PSMA3: variants seen among roughly 807,000 people sequenced by gnomAD.
The protein encoded by PSMA3 is proteasome subunit alpha type-3.
PSMA3 carries 8 observed loss-of-function variants against 40.0 expected under a neutral mutation model. The ratio of observed to expected loss-of-function variants is 0.20; its 90% CI spans 0.12 to 0.36. The LOEUF (loss-of-function observed/expected upper bound fraction) is 0.36. Ranked by LOEUF, PSMA3 falls within the 10% of genes least tolerant of loss-of-function variation. PSMA3 has a pLI of 1.00. For synonymous variants in PSMA3, 110 were observed against 100.0 expected, an observed-to-expected ratio of 1.10 and a Z score of -0.59; for missense variants, 219 against 310.6, an observed-to-expected ratio of 0.70 and a Z score of 2.22.
chr14:58,253,033 G>A (rs529917122), intron 3 of PSMA3, among the ~76,000 whole-genome samples: 3 of 149,416 alleles, frequency 2.0e-5, no homozygotes, highest in South Asian at 2.1e-4. Context: ...CACCCAGGCC[G>A]GAGTGCAGTG....
chr14:58,253,461 A>G (rs113269621), intron 3 of PSMA3, among the ~76,000 whole-genome samples: 1 of 152,248 alleles, frequency 6.6e-6, no homozygotes, highest in African/African-American at 2.4e-5. Flanking sequence ...TTAATGTTAC[A>G]CACAAACACA....
At chr14:58,256,683 AT>A (rs1890152522) in intron 3 of PSMA3, among the ~76,000 whole-genome samples, 2 of 151,784 alleles carry the variant, frequency 1.3e-5, no homozygotes, top group Admixed American at 6.6e-5. Context: ...AAGTGCTGGG[AT>A]TACAGGTGTG....
chr14:58,260,936 A>G lies in PSMA3; in HGVS notation c.405-12A>G. The G allele has an allele frequency of 1.3e-6, 2 of 1,593,772 alleles. No homozygotes were observed. Among genetic ancestry groups the G allele is most frequent in the Non-Finnish European group, 1.7e-6 (2 of 1,165,284 alleles). On this transcript the variant is annotated splice_polypyrimidine_tract_variant and intron_variant, in intron 5 of 10. Transcript: ENST00000216455. The stretch of plus-strand genomic sequence containing the variant: ...TTGCCATGGTTTAAGCTGTTTGTAT[A>G]CTTTCATGCAGTTTCATGTTAGGGT...
At chr14:58,246,778 A>G (rs1889891736) in intron 1 of PSMA3, among the ~76,000 whole-genome samples, 1 of 152,162 alleles carries the variant, frequency 6.6e-6, no homozygotes. Flanking sequence ...CGTCTAAGCT[A>G]CTACCGCTAT....
rs1192996520 is a variant in PSMA3, at chr14:58,266,032, AG to A, written c.544-1441del. The stretch of plus-strand genomic sequence containing the variant: ...TAGTCCATAATCAAACTGCCTAAGC[AG>A]TTTCTACACTGTCTTTTTAACTATT... On this transcript the variant is annotated intron_variant, in intron 7 of 10. Transcript: ENST00000216455. 2.6e-5 allele frequency: 4 copies of A among 152,198 alleles called. No homozygotes were observed. The East Asian group carries it at 7.7e-4, about 29-fold the overall frequency. The allele number at this position is 152,198 out of a possible 1,614,324, so 9.4% of individuals were successfully genotyped here.
chr14:58,271,994 TTG>T lies in PSMA3; in HGVS notation c.*101_*102del, dbSNP rs1331559193. ...ATACTGTCCAATTTTCATTAAATTT[TTG>T]TCTTATAACTATTGAAGTTTGGTTA... On this transcript the variant is annotated 3_prime_UTR_variant, in exon 11 of 11. Coordinates refer to ENST00000216455, the MANE Select transcript of PSMA3 (RefSeq NM_002788.4). 2.2e-6 allele frequency: 2 copies of T among 925,508 alleles called. No individual in the cohort carries two copies. Among genetic ancestry groups the T allele is most frequent in the East Asian group, 2.7e-5 (1 of 37,270 alleles). 57.3% of individuals were successfully genotyped at this position (925,508 alleles called of 1,614,324 possible).
chr14:58,252,981 C>CTTT (rs1231347254), intron 3 of PSMA3, among the ~76,000 whole-genome samples: 1 of 132,386 alleles, frequency 7.6e-6, no homozygotes, highest in African/African-American at 2.8e-5. Context: ...ATGTCATTTT[C>CTTT]TTTTTTTTTT....
At chr14:58,269,322 G>A (rs992229514) in intron 8 of PSMA3, among the ~76,000 whole-genome samples, 1 of 152,146 alleles carries the variant, frequency 6.6e-6, no homozygotes, top group African/African-American at 2.4e-5. Flanking sequence ...TGAAGGCCAG[G>A]TTATGTGGCA....
Position 58,256,787 on chromosome 14 carries a change from G to A in PSMA3, c.229-958G>A, listed in dbSNP as rs999195205. 3.6e-4 allele frequency among the ~76,000 whole-genome samples: 55 copies of A among 151,958 alleles called. 1 individual carries two copies. The highest frequency in any genetic ancestry group is 1.2e-3 in the African/African-American group (51 of 41,394). Reference sequence around the variant, plus strand: ...GAAGCGTTTTAAATTTCAGATTTTTGGATTAGATATCCTCAACCTGTAATA... The same window carrying A: ...GAAGCGTTTTAAATTTCAGATTTTTAGATTAGATATCCTCAACCTGTAATA... On this transcript the variant is annotated intron_variant, in intron 3 of 10. Transcript: ENST00000216455.
chr14:58,255,952 G>T (rs1361795657), intron 3 of PSMA3, among the ~76,000 whole-genome samples: 2 of 151,628 alleles, frequency 1.3e-5, no homozygotes, highest in Admixed American at 6.6e-5. Context: ...TCCGCCTCCC[G>T]AGTTCAAGTG....
intron 7 of PSMA3, 61 bp downstream of exon 7, chr14:58,263,831 C>T (rs376784854): frequency 4.8e-6 from 7 of 1,462,184 alleles, no homozygotes; most frequent in Non-Finnish European, 9.6e-7. Context: ...AATTTTATCA[C>T]CACAGACATT....
rs1298185346 is a variant in PSMA3, at chr14:58,257,760, T to A, written c.244T>A (p.Leu82Met). The change falls in exon 4 of 11, where the codon TTG (leucine) becomes ATG (methionine). Residue 82 changes from leucine to methionine, a missense_variant. Physicochemically the swap from Leu to Met is conservative, Grantham distance 15. Transcript: ENST00000216455. The part of the protein sequence containing the change: ...RHVGMAVAGL[L>M]ADARSLADIA... ...TTTTTTTCAGGCAGTAGCAGGTTTG[T>A]TGGCAGATGCTCGTTCTTTAGCAGA... is the stretch of plus-strand genomic sequence containing the variant. 1.2e-6 allele frequency: 2 copies of A among 1,611,530 alleles called. No individual in the cohort carries two copies. The highest frequency in any genetic ancestry group is 1.3e-5 in the African/African-American group (1 of 75,022).
rs201941830 is a variant in PSMA3 at position 58,244,884 on chromosome 14, G to C, written c.-37G>C. ...CTGTGGTATAGGGGAAGCGCTCCGG[G>C]CCTGGAATCCCTACGCGTCCCTTTG... is the stretch of plus-strand genomic sequence containing the variant. On this transcript the variant is annotated 5_prime_UTR_variant, in exon 1 of 11. Transcript: ENST00000216455. 67 of 1,614,046 alleles carry C rather than the reference G, an allele frequency of 4.2e-5. No homozygotes were observed. In the Admixed American group the frequency reaches 6.0e-4, roughly 14 times the overall value.
chr14:58,245,394 T>C (rs1042959947), intron 1 of PSMA3: 10 of 180,778 alleles, frequency 5.5e-5, no homozygotes, highest in Non-Finnish European at 1.1e-4. Context: ...TCTCTGTCTT[T>C]AAGTGTGCAG....
chr14:58,270,569 T>G (rs1215172607), intron 9 of PSMA3, 84 bp downstream of exon 9: 2 of 1,581,108 alleles, frequency 1.3e-6, no homozygotes, highest in Non-Finnish European at 1.7e-6. Context: ...TCTAATATAA[T>G]GAAAGCTAAA....
intron 2 of PSMA3, among the ~76,000 whole-genome samples, chr14:58,248,305 C>G (rs1889923147): frequency 1.3e-5 from 2 of 152,224 alleles, no homozygotes. Flanking sequence ...TCTTGGCTCA[C>G]TGCAACCTCC....
intron 5 of PSMA3, among the ~76,000 whole-genome samples, chr14:58,259,675 T>C (rs1890226439): frequency 6.6e-6 from 1 of 152,166 alleles, no homozygotes; most frequent in African/African-American, 2.4e-5. Flanking sequence ...GAGACACAGG[T>C]GTGAAGTCAC....
chr14:58,260,370 TTCTA>T (rs930268176), intron 5 of PSMA3, among the ~76,000 whole-genome samples: 39 of 152,336 alleles, frequency 2.6e-4, no homozygotes, highest in Admixed American at 2.5e-3. Flanking sequence ...TTTGAAAGTT[TTCTA>T]TCTGTGGTTT....
chr14:58,264,551 T>G (rs1189802124), intron 7 of PSMA3: 1 of 152,262 alleles, frequency 6.6e-6, no homozygotes, highest in Non-Finnish European at 1.5e-5. Context: ...ATCAGTGTTT[T>G]GGTAAACTGA....
Sources: allele counts gnomAD v4.1 joint callset (sites outside exome capture counted in the v4.1 genomes callset), GRCh38; gene constraint gnomAD v4.1.1; transcripts MANE v1.5; gene names NCBI Gene and HGNC (gene_info 2026-07-23, HGNC 2026-07-21).